DVL3: variants seen among roughly 807,000 people sequenced by gnomAD.
The protein encoded by DVL3 is segment polarity protein dishevelled homolog DVL-3.
In DVL3, 27 loss-of-function variants were observed where a neutral mutation model predicts 67.4. That is an observed-to-expected ratio of 0.40 (90% CI 0.30 to 0.55). The LOEUF (loss-of-function observed/expected upper bound fraction) is 0.55. DVL3 is among the 20% of genes least tolerant of loss of function. DVL3 has a pLI of 0.46. For missense variants in DVL3, 819 were observed against 1,021.5 expected (o/e 0.80, Z 2.70); for synonymous variants, 369 against 396.8 (o/e 0.93, Z 0.83).
intron 1 of DVL3, chr3:184,156,315 G>A: frequency 2.2e-6 from 1 of 456,436 alleles, no homozygotes; most frequent in Non-Finnish European, 4.4e-6. Context: ...GGGGTGCTCG[G>A]GCGCCTGGCC....
chr3:184,162,404 C>T (rs1338043680), intron 1 of DVL3, among the ~76,000 whole-genome samples: 2 of 151,886 alleles, frequency 1.3e-5, no homozygotes, highest in East Asian at 1.9e-4. Context: ...AGGCAGGTCT[C>T]AAAACTCCTG....
Position 184,170,794 on chromosome 3 carries a change from A to T in DVL3, c.*39A>T. On this transcript the variant is annotated 3_prime_UTR_variant, in exon 15 of 15. Coordinates refer to ENST00000313143, the MANE Select transcript of DVL3 (RefSeq NM_004423.4). This position sits in a 1 kb window ranked among gnomAD's most constrained non-coding sequence, Gnocchi z 6.5. ...CCCAGCTCCATTCCGCTCCCACCCC[A>T]GCCGGCTGCGTTCCTCTCTCCATCC... 5 of 1,608,016 alleles carry T rather than the reference A, an allele frequency of 3.1e-6. No homozygotes were observed. The highest frequency in any genetic ancestry group is 4.2e-6 in the Non-Finnish European group (5 of 1,177,630).
rs965583482 is a variant in DVL3, at chr3:184,155,934, G to A, written c.161+138G>A. ...TTCTAGGGGCGACTCGGCCCATTTG[G>A]GCCCCTTTGGTTCCAGCCCCAGTAG... On this transcript the variant is annotated intron_variant, in intron 1 of 14. Coordinates refer to ENST00000313143, the MANE Select transcript of DVL3 (RefSeq NM_004423.4). This position sits in a 1 kb window ranked among gnomAD's most constrained non-coding sequence, Gnocchi z 5.4. 2.8e-6 allele frequency: 3 copies of A among 1,090,510 alleles called. No individual in the cohort carries two copies. The highest frequency in any genetic ancestry group is 3.2e-5 in the South Asian group (2 of 63,458). 67.6% of individuals were successfully genotyped at this position (1,090,510 alleles called of 1,614,324 possible).
At position 184,155,586 on chromosome 3, in the gene DVL3, C is replaced by G. The variant is rs772938093; in HGVS notation, c.-50C>G. 8.3e-6 allele frequency: 9 copies of G among 1,077,856 alleles called. No individual in the cohort carries two copies. The highest frequency in any genetic ancestry group is 4.2e-4 in the Middle Eastern group (1 of 2,354). The allele number at this position is 1,077,856 out of a possible 1,614,324, so 66.8% of individuals were successfully genotyped here. A position where few individuals can be genotyped will look rare whatever the true frequency, so the allele number is the denominator to read the frequency against. On this transcript the variant is annotated 5_prime_UTR_variant, in exon 1 of 15. Coordinates refer to ENST00000313143, the MANE Select transcript of DVL3 (RefSeq NM_004423.4). The surrounding 1 kb of genome is among the most constrained non-coding windows in gnomAD (Gnocchi z 5.4). The stretch of plus-strand genomic sequence containing the variant: ...CCGCCGCCGTCTGGGAGGCTCGGCC[C>G]GGCCGCCCGAGCAGGCCGCGCGCGG...
chr3:184,160,080 C>A (rs1012331953), intron 1 of DVL3, among the ~76,000 whole-genome samples: 19 of 150,930 alleles, frequency 1.3e-4, no homozygotes, highest in Admixed American at 1.1e-3. Flanking sequence ...GCTGGGACTA[C>A]AGGTGCCCGC....
At position 184,167,744 on chromosome 3, in the gene DVL3, G is replaced by A. The variant is rs1560119671; in HGVS notation, c.1330+33G>A. 1.3e-6 allele frequency: 2 copies of A among 1,597,006 alleles called. No homozygotes were observed. Among genetic ancestry groups the A allele is most frequent in the South Asian group, 1.1e-5 (1 of 87,422 alleles). On this transcript the variant is annotated intron_variant, in intron 12 of 14. Coordinates refer to ENST00000313143, the MANE Select transcript of DVL3 (RefSeq NM_004423.4). The surrounding 1 kb of genome is among the most constrained non-coding windows in gnomAD (Gnocchi z 4.6). Reference sequence around the variant, plus strand: ...AGCCCCATGGTGGGATGCAGGGTGGGTGGGGAGTGATGGGGCAGGGCAGGC... The same window carrying A: ...AGCCCCATGGTGGGATGCAGGGTGGATGGGGAGTGATGGGGCAGGGCAGGC...
At position 184,165,239 on chromosome 3, in the gene DVL3, G is replaced by A; in HGVS notation, c.693+33G>A. 5.1e-6 allele frequency: 8 copies of A among 1,566,840 alleles called. No homozygotes were observed. Among genetic ancestry groups the A allele is most frequent in the Non-Finnish European group, 6.9e-6 (8 of 1,153,924 alleles). ...GTCTGGGAGGCTAGGGATGGGTGGA[G>A]GCAGATTGTGAGCCCTTCCTACGCA... On this transcript the variant is annotated intron_variant, in intron 6 of 14. Transcript: ENST00000313143. The surrounding 1 kb of genome is among the most constrained non-coding windows in gnomAD (Gnocchi z 4.1).
Position 184,170,085 on chromosome 3 carries a change from C to T in DVL3, c.1578C>T (p.His526=), listed in dbSNP as rs189465517. The T allele has an allele frequency of 9.9e-6, 16 of 1,614,036 alleles. No individual in the cohort carries two copies. The Admixed American group carries it at 2.7e-4, about 27-fold the overall frequency. ...AGGACACACTGGCCCCTTTGCCGCA[C>T]CCGGGGGCCGCCCCTTGGCCCATGG... ...SDQDTLAPLP[H]PGAAPWPMAF... is the part of the protein sequence containing the mutation. Residue 526 remains histidine, a synonymous_variant, in exon 14 of 15, where the codon CAC becomes CAT. Coordinates refer to ENST00000313143, the MANE Select transcript of DVL3 (RefSeq NM_004423.4). The surrounding 1 kb of genome is among the most constrained non-coding windows in gnomAD (Gnocchi z 6.5).
intron 1 of DVL3, among the ~76,000 whole-genome samples, chr3:184,161,864 A>G (rs139848415): frequency 1.3e-5 from 2 of 152,348 alleles, no homozygotes; most frequent in Non-Finnish European, 2.9e-5. Context: ...ACCTTGGACA[A>G]GTTAACTGAA....
chr3:184,158,484 T>C (rs772429617), intron 1 of DVL3, among the ~76,000 whole-genome samples: 1 of 152,188 alleles, frequency 6.6e-6, no homozygotes, highest in Non-Finnish European at 1.5e-5. Context: ...TTAGGTGTCA[T>C]TATTATCACC....
Position 184,164,235 on chromosome 3 carries a change from A to T in DVL3, c.232-32A>T. 1 of 1,610,026 alleles carries T rather than the reference A, an allele frequency of 6.2e-7. No homozygotes were observed. Among genetic ancestry groups the T allele is most frequent in the Non-Finnish European group, 8.5e-7 (1 of 1,178,044 alleles). On this transcript the variant is annotated intron_variant, in intron 2 of 14. Transcript: ENST00000313143. This position sits in a 1 kb window ranked among gnomAD's most constrained non-coding sequence, Gnocchi z 5.3. ...ATCCCCTTCTCCTTGATGCTCCTGT[A>T]ACATACTACTCACTCAGTTTCTCCC...
rs775552727 is a variant in DVL3 at position 184,165,183 on chromosome 3, CAGA to C, written c.673_675del (p.Lys225del). 5.6e-6 allele frequency: 9 copies of C among 1,600,962 alleles called. No individual in the cohort carries two copies. Among genetic ancestry groups the C allele is most frequent in the South Asian group, 2.2e-5 (2 of 89,132 alleles). On this transcript the variant is annotated inframe_deletion, in exon 6 of 15. Transcript: ENST00000313143. This position sits in a 1 kb window ranked among gnomAD's most constrained non-coding sequence, Gnocchi z 4.1. ...AAGACACAAGCGGCGGCGGCGGAAG[CAGA>C]AGGTTTCTCGGATTGAGCGGGTATG... is the stretch of plus-strand genomic sequence containing the variant.
chr3:184,162,949 A>G (rs1351401771), intron 1 of DVL3, among the ~76,000 whole-genome samples: 3 of 152,132 alleles, frequency 2.0e-5, no homozygotes, highest in Non-Finnish European at 4.4e-5. Flanking sequence ...GGGGCTAGGA[A>G]GGGGAGTGGA....
chr3:184,168,748 C>T (rs1040384105), intron 13 of DVL3, among the ~76,000 whole-genome samples: 1 of 152,190 alleles, frequency 6.6e-6, no homozygotes, highest in African/African-American at 2.4e-5. Flanking sequence ...TCTTGGAGCT[C>T]TGGGACCTGG....
Position 184,171,374 on chromosome 3 carries a change from G to C in DVL3, c.*619G>C. On this transcript the variant is annotated 3_prime_UTR_variant, in exon 15 of 15. Transcript: ENST00000313143. ...TGTGCCTAGATCAGAGGCCCAGAGG[G>C]CCCCCTCAGTTGCCTGAGCAGCTGG... 1.0e-6 allele frequency: 1 copy of C among 999,964 alleles called. No individual in the cohort carries two copies. The allele number at this position is 999,964 out of a possible 1,614,324, so 61.9% of individuals were successfully genotyped here. A position where few individuals can be genotyped will look rare whatever the true frequency, so the allele number is the denominator to read the frequency against.
At position 184,155,580 on chromosome 3, in the gene DVL3, T is replaced by TCGGCC; in HGVS notation, c.-50_-46dup. The TCGGCC allele has an allele frequency of 1.9e-6, 2 of 1,041,130 alleles. No individual in the cohort carries two copies. Among genetic ancestry groups the TCGGCC allele is most frequent in the Non-Finnish European group, 2.3e-6 (2 of 866,198 alleles). The allele number at this position is 1,041,130 out of a possible 1,614,324, so 64.5% of individuals were successfully genotyped here. A position where few individuals can be genotyped will look rare whatever the true frequency, so the allele number is the denominator to read the frequency against. On this transcript the variant is annotated 5_prime_UTR_variant, in exon 1 of 15. Coordinates refer to ENST00000313143, the MANE Select transcript of DVL3 (RefSeq NM_004423.4). This position sits in a 1 kb window ranked among gnomAD's most constrained non-coding sequence, Gnocchi z 5.4. Reference sequence around the variant, plus strand: ...CGCGCGCCGCCGCCGTCTGGGAGGCTCGGCCCGGCCGCCCGAGCAGGCCGC... The same window carrying TCGGCC: ...CGCGCGCCGCCGCCGTCTGGGAGGCTCGGCCCGGCCCGGCCGCCCGAGCAGGCCGC...
Position 184,165,355 on chromosome 3 carries a change from G to A in DVL3, c.694-67G>A, listed in dbSNP as rs1218863915. ...GGGCTGCACCGGGGACTCACCTTGA[G>A]GAGGAGTCAGGTGGGAGTGAATTCC... is the stretch of plus-strand genomic sequence containing the variant. On this transcript the variant is annotated intron_variant, in intron 6 of 14. Transcript: ENST00000313143. This position sits in a 1 kb window ranked among gnomAD's most constrained non-coding sequence, Gnocchi z 4.1. The A allele has an allele frequency of 6.4e-6, 10 of 1,566,884 alleles. No individual in the cohort carries two copies. The highest frequency in any genetic ancestry group is 1.1e-5 in the South Asian group (1 of 89,370).
At position 184,166,800 on chromosome 3, in the gene DVL3, C is replaced by T. The variant is rs73884885; in HGVS notation, c.1049-26C>T. On this transcript the variant is annotated intron_variant, in intron 10 of 14. Coordinates refer to ENST00000313143, the MANE Select transcript of DVL3 (RefSeq NM_004423.4). This position sits in a 1 kb window ranked among gnomAD's most constrained non-coding sequence, Gnocchi z 6.7. ...GCCCAGCAGTGGGTGGGGTGGGTAG[C>T]CCATGACTCCTCATCCTCCCTGCAG... 5 of 1,613,434 alleles carry T rather than the reference C, an allele frequency of 3.1e-6. No homozygotes were observed. Among genetic ancestry groups the T allele is most frequent in the Non-Finnish European group, 4.2e-6 (5 of 1,179,776 alleles).
In DVL3 at chr3:184,166,571, G is replaced by A. The variant is rs760525863; in HGVS notation, c.981-35G>A. ...GCAAGGGGCTTGGTCTGGCCTATAC[G>A]CATCCTGCCTTCACTAGGACACCCT... On this transcript the variant is annotated intron_variant, in intron 9 of 14. Transcript: ENST00000313143. This position sits in a 1 kb window ranked among gnomAD's most constrained non-coding sequence, Gnocchi z 6.7. The A allele has an allele frequency of 1.5e-5, 25 of 1,614,138 alleles. No individual in the cohort carries two copies. The Middle Eastern group carries it at 8.2e-4, about 53-fold the overall frequency.
Sources: gnomAD v4.1 joint callset for allele counts (sites outside exome capture counted in the v4.1 genomes callset) on GRCh38, gnomAD v4.1.1 for gene constraint, Gnocchi (gnomAD v3.1) non-coding constraint, MANE v1.5 for transcripts, NCBI Gene and HGNC (gene_info 2026-07-23, HGNC 2026-07-21) for gene names.